Variants in ARHGAP32 observed in about 807,000 individuals in gnomAD.
The protein encoded by ARHGAP32 is Rho GTPase activating protein 32.
In ARHGAP32, 51 loss-of-function variants were observed where a neutral mutation model predicts 186.5. The observed-to-expected ratio is 0.27, with a 90% CI of 0.22 to 0.35. The LOEUF is 0.35. ARHGAP32 is among the 10% of genes least tolerant of loss of function. The pLI, the probability that ARHGAP32 is intolerant of heterozygous loss-of-function variation, is 1.00. For missense variants in ARHGAP32, 2,186 were observed against 2,623.5 expected (o/e 0.83, Z 3.64); for synonymous variants, 950 against 964.3 (o/e 0.99, Z 0.27).
chr11:129,230,522 T>A (rs1944844143), intron 1 of ARHGAP32, among the ~76,000 whole-genome samples: 1 of 129,628 alleles, frequency 7.7e-6, no homozygotes, highest in African/African-American at 3.0e-5. Flanking sequence ...TTTTTAAAAT[T>A]TGGTTATAAA....
At chr11:129,105,174 G>A (rs185957480) in intron 5 of ARHGAP32, among the ~76,000 whole-genome samples, 11 of 152,256 alleles carry the variant, frequency 7.2e-5, no homozygotes, top group South Asian at 2.1e-4. Flanking sequence ...AATTATATTT[G>A]AGACATAAAG....
intron 5 of ARHGAP32, among the ~76,000 whole-genome samples, chr11:129,114,394 C>A (rs1942307787): frequency 1.3e-5 from 2 of 152,088 alleles, no homozygotes; most frequent in Admixed American, 1.3e-4. Flanking sequence ...ACTTTTATAA[C>A]ATTTATAACA....
chr11:129,108,003 A>G (rs1942097662), intron 5 of ARHGAP32, among the ~76,000 whole-genome samples: 1 of 152,190 alleles, frequency 6.6e-6, no homozygotes, highest in Admixed American at 6.5e-5. Flanking sequence ...GAACAGCCAT[A>G]TAAAATATAC....
In ARHGAP32 at chr11:129,123,437, T is replaced by C; in HGVS notation, c.444+9A>G. On this transcript the variant is annotated intron_variant, in intron 5 of 22. Transcript: ENST00000682385. This position sits in a 1 kb window ranked among gnomAD's most constrained non-coding sequence, Gnocchi z 4.6. ...CTTAATTCAAGATGTAAGAAATATTTCAGTATACCTGTATGCTGCCGAACT... is the reference window on the plus strand; with the variant it reads ...CTTAATTCAAGATGTAAGAAATATTCCAGTATACCTGTATGCTGCCGAACT... 1 of 1,606,298 alleles carries C rather than the reference T, an allele frequency of 6.2e-7. No individual in the cohort carries two copies. The highest frequency in any genetic ancestry group is 8.5e-7 in the Non-Finnish European group (1 of 1,173,896).
At chr11:129,185,056 G>C (rs1413509684) in intron 1 of ARHGAP32, among the ~76,000 whole-genome samples, 1 of 152,142 alleles carries the variant, frequency 6.6e-6, no homozygotes, top group African/African-American at 2.4e-5. Context: ...ATTCCTCAGG[G>C]ATCTAGAACT....
At chr11:129,017,579 T>C (rs1163936133) in intron 11 of ARHGAP32, among the ~76,000 whole-genome samples, 1 of 152,112 alleles carries the variant, frequency 6.6e-6, no homozygotes, top group Non-Finnish European at 1.5e-5. Flanking sequence ...AAATGTGCTA[T>C]TGTTATTTTT....
At chr11:129,233,882 A>G (rs1426905836) in intron 1 of ARHGAP32, among the ~76,000 whole-genome samples, 1 of 152,028 alleles carries the variant, frequency 6.6e-6, no homozygotes, top group African/African-American at 2.4e-5. Context: ...TTTATCATAT[A>G]ATGCTATATA....
intron 5 of ARHGAP32, among the ~76,000 whole-genome samples, chr11:129,101,506 T>C (rs1164819540): frequency 1.3e-5 from 2 of 152,224 alleles, no homozygotes; most frequent in South Asian, 4.1e-4. Flanking sequence ...TAGAAAATAA[T>C]GTAACCAACC....
chr11:129,003,504 T>C (rs185902460), intron 11 of ARHGAP32, among the ~76,000 whole-genome samples: 1 of 152,330 alleles, frequency 6.6e-6, no homozygotes, highest in Admixed American at 6.5e-5. Flanking sequence ...AGTTAAGCCA[T>C]TGAGTCCTGG....
rs879215423 is a variant in ARHGAP32, at chr11:129,063,818, T to G, written c.885+84A>C. On this transcript the variant is annotated intron_variant, in intron 9 of 22. Coordinates refer to ENST00000682385, the MANE Select transcript of ARHGAP32 (RefSeq NM_001378024.1). ...CTGGTGCTTTTCATTTTTTTAAAAA[T>G]TAAGGAAATGGTTAAGAACAGTCAA... 2.6e-4 allele frequency: 364 copies of G among 1,385,350 alleles called. 4 individuals are homozygous for G. The South Asian group carries it at 6.2e-3, about 23-fold the overall frequency. 85.8% of individuals were successfully genotyped at this position (1,385,350 alleles called of 1,614,324 possible).
intron 1 of ARHGAP32, among the ~76,000 whole-genome samples, chr11:129,180,096 T>C (rs1221547335): frequency 1.3e-5 from 2 of 152,098 alleles, no homozygotes; most frequent in African/African-American, 4.8e-5. Flanking sequence ...AATCGTGTAT[T>C]TACATATACC....
chr11:129,166,886 TAAAAAC>T (rs1294175274), intron 1 of ARHGAP32, among the ~76,000 whole-genome samples: 2 of 152,176 alleles, frequency 1.3e-5, no homozygotes, highest in African/African-American at 4.8e-5. Context: ...ATATACACAT[TAAAAAC>T]ACAAAGGATA....
intron 1 of ARHGAP32, 58 bp from the exon 2 acceptor site, chr11:129,164,485 C>T: frequency 1.0e-6 from 1 of 973,156 alleles, no homozygotes; most frequent in Non-Finnish European, 1.5e-6. Flanking sequence ...GAAAGCCTTC[C>T]AATGATCACA....
At chr11:129,198,148 A>C (rs1458584364) in intron 1 of ARHGAP32, among the ~76,000 whole-genome samples, 5 of 152,244 alleles carry the variant, frequency 3.3e-5, no homozygotes, top group African/African-American at 9.6e-5. Flanking sequence ...TCAACTGTTC[A>C]TAGAAGCTAA....
chr11:129,197,136 G>A (rs1360550290), upstream of ARHGAP32, among the ~76,000 whole-genome samples: 1 of 152,144 alleles, frequency 6.6e-6, no homozygotes, highest in African/African-American at 2.4e-5. Flanking sequence ...AAGACTATAT[G>A]GTTTGCATTT....
Position 129,179,464 on chromosome 11 carries a change from A to G in ARHGAP32, c.116+12619T>C, listed in dbSNP as rs1216982478. 3.3e-5 allele frequency among the ~76,000 whole-genome samples: 5 copies of G among 152,318 alleles called. No homozygotes were observed. The East Asian group carries it at 9.6e-4, about 29-fold the overall frequency. On this transcript the variant is annotated intron_variant, in intron 1 of 22. Coordinates refer to ENST00000682385, the MANE Select transcript of ARHGAP32 (RefSeq NM_001378024.1). Reference sequence around the variant, plus strand: ...AATGGGTATATACCCAAAGGATTATAAATCATGCTGCTATAAAGACACATG... The same window carrying G: ...AATGGGTATATACCCAAAGGATTATGAATCATGCTGCTATAAAGACACATG...
intron 10 of ARHGAP32, among the ~76,000 whole-genome samples, chr11:129,053,697 T>C (rs1056772015): frequency 2.6e-5 from 4 of 152,176 alleles, no homozygotes; most frequent in African/African-American, 9.6e-5. Context: ...ATTAAAAGGT[T>C]AGTGGTAAGC....
chr11:129,202,450 G>A (rs770971538), intron 1 of ARHGAP32, among the ~76,000 whole-genome samples: 2 of 151,896 alleles, frequency 1.3e-5, no homozygotes, highest in Non-Finnish European at 2.9e-5. Flanking sequence ...AAAAATAAAT[G>A]AAGGCAATGT....
At chr11:129,110,578 G>A (rs1249354128) in intron 5 of ARHGAP32, among the ~76,000 whole-genome samples, 1 of 152,072 alleles carries the variant, frequency 6.6e-6, no homozygotes, top group Admixed American at 6.5e-5. Context: ...ATGAGCATGG[G>A]AGGTCTCCAT....
Sources: allele counts gnomAD v4.1 joint callset (sites outside exome capture counted in the v4.1 genomes callset), GRCh38; gene constraint gnomAD v4.1.1; non-coding constraint Gnocchi (gnomAD v3.1); transcripts MANE v1.5; gene names NCBI Gene and HGNC (gene_info 2026-07-23, HGNC 2026-07-21).